Variants in CACNA1C observed in about 807,000 individuals in gnomAD.
CACNA1C encodes the protein calcium voltage-gated channel subunit alpha1 C.
In CACNA1C, 30 loss-of-function variants were observed where a neutral mutation model predicts 229.0. The observed-to-expected ratio is 0.13, with a 90% CI of 0.10 to 0.18. The LOEUF (loss-of-function observed/expected upper bound fraction) is 0.18, where lower values mean the gene tolerates loss of function less well. Among genes scored for constraint, CACNA1C ranks in the 10% least tolerant of loss-of-function variants. The pLI, the probability that CACNA1C is intolerant of heterozygous loss-of-function variation, is 1.00. For synonymous variants in CACNA1C, 1,114 were observed against 1,132.5 expected (o/e 0.98, Z 0.33); for missense variants, 1,658 against 2,845.0 (o/e 0.58, Z 9.49).
rs142830115 is a variant in CACNA1C, at chr12:2,100,397, G to A, written c.50-14827G>A. On this transcript the variant is annotated intron_variant, in intron 1 of 46. Transcript: ENST00000399655. ...TCAAGGAATTGCTTGAACCCGGGAG[G>A]CAGAAGATGCAGTGAGCCAAGATTG... 8.1e-3 allele frequency among the ~76,000 whole-genome samples: 1,189 copies of A among 147,432 alleles called. 16 individuals are homozygous for A. Among genetic ancestry groups the A allele is most frequent in the African/African-American group, 0.028 (1,100 of 39,626 alleles).
chr12:2,286,548 G>T (rs2092703431), intron 3 of CACNA1C, among the ~76,000 whole-genome samples: 1 of 152,176 alleles, frequency 6.6e-6, no homozygotes, highest in East Asian at 1.9e-4. Flanking sequence ...TGGCTTCGGG[G>T]CTTCTCTGGG....
intron 3 of CACNA1C, among the ~76,000 whole-genome samples, chr12:2,291,414 T>G (rs2093490316): frequency 6.6e-6 from 1 of 152,168 alleles, no homozygotes; most frequent in Non-Finnish European, 1.5e-5. Context: ...CTACACACTC[T>G]CTTTCTCGAC....
At chr12:2,674,719 G>C in intron 39 of CACNA1C, 77 bp downstream of exon 39, 1 of 1,357,568 alleles carries the variant, frequency 7.4e-7, no homozygotes, top group Non-Finnish European at 1.0e-6. Flanking sequence ...CTCCAGCTGT[G>C]GCACCCTTAG....
chr12:2,648,449 T>G (rs751734166), intron 30 of CACNA1C, 26 bp from the exon 31 acceptor site: 1 of 1,612,430 alleles, frequency 6.2e-7, no homozygotes. Flanking sequence ...TCATTACAGC[T>G]TATCTCTATC....
intron 1 of CACNA1C, among the ~76,000 whole-genome samples, chr12:1,999,316 A>AT (rs1475883029): frequency 6.6e-6 from 1 of 152,254 alleles, no homozygotes; most frequent in African/African-American, 2.4e-5. Context: ...GGCACAAATC[A>AT]TATCAAGCTA....
rs2099704303 is a variant in CACNA1C, at chr12:2,488,157, A to G, written c.916+1895A>G. ...ATCAGAGGTCTGTGCACCACAGAGT[A>G]AGGAGAGGGGCTCCAAAGCTGCAGG... is the stretch of plus-strand genomic sequence containing the variant. On this transcript the variant is annotated intron_variant, in intron 6 of 46. Coordinates refer to ENST00000399655, the MANE Select transcript of CACNA1C (RefSeq NM_000719.7). The surrounding 1 kb of genome is among the most constrained non-coding windows in gnomAD (Gnocchi z 4.0). Among the ~76,000 whole-genome samples, 1 of 152,226 alleles carries G rather than the reference A, an allele frequency of 6.6e-6. No homozygotes were observed. Among genetic ancestry groups the G allele is most frequent in the South Asian group, 2.1e-4 (1 of 4,832 alleles).
intron 3 of CACNA1C, among the ~76,000 whole-genome samples, chr12:2,253,588 T>C (rs1448961022): frequency 6.6e-6 from 1 of 152,246 alleles, no homozygotes; most frequent in East Asian, 1.9e-4. Flanking sequence ...ACATCTGCTG[T>C]GGAAATGCTA....
rs554924397 is a variant in CACNA1C, at chr12:2,454,251, T to C, written c.618-3316T>C. On this transcript the variant is annotated intron_variant, in intron 4 of 46. Coordinates refer to ENST00000399655, the MANE Select transcript of CACNA1C (RefSeq NM_000719.7). ...CCTTCCTGCAGTAGCTTCTTGGTTC[T>C]TGGATATCTGGCTTCTGGGGAACCT... 7.9e-5 allele frequency among the ~76,000 whole-genome samples: 12 copies of C among 152,360 alleles called. No homozygotes were observed. In the South Asian group the frequency reaches 2.5e-3, roughly 32 times the overall value.
At chr12:1,991,299 T>C (rs2039349063) in intron 1 of CACNA1C, 1 of 440,620 alleles carries the variant, frequency 2.3e-6, no homozygotes, top group South Asian at 1.6e-5. Context: ...TTATTAAACA[T>C]GGTAAAATAA....
intron 29 of CACNA1C, among the ~76,000 whole-genome samples, chr12:2,626,630 G>A (rs1461109386): frequency 7.2e-5 from 11 of 152,132 alleles, no homozygotes; most frequent in Admixed American, 2.0e-4. Flanking sequence ...CCCTAGTCCT[G>A]GAGGCACCTT....
At chr12:2,389,596 C>T (rs1279333960) in intron 3 of CACNA1C, among the ~76,000 whole-genome samples, 10 of 152,192 alleles carry the variant, frequency 6.6e-5, no homozygotes, top group Admixed American at 6.5e-4. Flanking sequence ...ACCTGATAGG[C>T]ATTTAGAGTG....
intron 19 of CACNA1C, among the ~76,000 whole-genome samples, chr12:2,593,707 A>G (rs1006050303): frequency 2.6e-5 from 4 of 152,212 alleles, no homozygotes; most frequent in East Asian, 1.9e-4. Flanking sequence ...CCTTACTTAC[A>G]TGGAATTGTC....
At chr12:2,338,633 A>C (rs1269159019) in intron 3 of CACNA1C, among the ~76,000 whole-genome samples, 1 of 152,132 alleles carries the variant, frequency 6.6e-6, no homozygotes, top group African/African-American at 2.4e-5. Flanking sequence ...TCTGAGAGAT[A>C]GGGTTAGGGT....
chr12:2,471,310 C>T (rs980762279), intron 5 of CACNA1C, among the ~76,000 whole-genome samples: 16 of 152,150 alleles, frequency 1.1e-4, no homozygotes, highest in African/African-American at 3.9e-4. Flanking sequence ...AAGTTCCACT[C>T]AACAATGTTT....
intron 3 of CACNA1C, among the ~76,000 whole-genome samples, chr12:2,197,884 CAGGTCT>C (rs2097457597): frequency 6.6e-6 from 1 of 152,160 alleles, no homozygotes; most frequent in African/African-American, 2.4e-5. Flanking sequence ...GAAATGAACC[CAGGTCT>C]AGAACTGCAG....
At chr12:2,241,460 G>C (rs781593167) in intron 3 of CACNA1C, among the ~76,000 whole-genome samples, 1 of 152,148 alleles carries the variant, frequency 6.6e-6, no homozygotes, top group Admixed American at 6.5e-5. Context: ...GAGAGCACGC[G>C]TGTGGGATGG....
intron 34 of CACNA1C, among the ~76,000 whole-genome samples, chr12:2,662,771 C>T (rs2095833282): frequency 6.6e-6 from 1 of 152,216 alleles, no homozygotes. Flanking sequence ...CAACACAGTA[C>T]TTCTGTACCA....
chr12:2,380,611 T>G (rs1232165270), intron 3 of CACNA1C, among the ~76,000 whole-genome samples: 1 of 152,156 alleles, frequency 6.6e-6, no homozygotes, highest in African/African-American at 2.4e-5. Flanking sequence ...CCCCCATCCC[T>G]CTTTCATCAC....
intron 3 of CACNA1C, among the ~76,000 whole-genome samples, chr12:2,370,724 T>C (rs566067782): frequency 1.3e-5 from 2 of 152,342 alleles, no homozygotes; most frequent in East Asian, 3.9e-4. Context: ...TGCTAAGTTA[T>C]GGGCTCAGCC....
Sources: gnomAD v4.1 joint callset for allele counts (sites outside exome capture counted in the v4.1 genomes callset) on GRCh38, gnomAD v4.1.1 for gene constraint, Gnocchi (gnomAD v3.1) non-coding constraint, MANE v1.5 for transcripts, NCBI Gene and HGNC (gene_info 2026-07-23, HGNC 2026-07-21) for gene names.